Variants in PRDM16 observed in about 807,000 individuals in gnomAD.
The protein encoded by PRDM16 is PR/SET domain 16.
In PRDM16, 23 loss-of-function variants were observed where a neutral mutation model predicts 110.6. That is an observed-to-expected ratio of 0.21 (90% confidence interval 0.15 to 0.29). The LOEUF is 0.29. Among genes scored for constraint, PRDM16 ranks in the 10% least tolerant of loss-of-function variants. The probability of loss-of-function intolerance (pLI) is 1.00; values close to 1 mark genes in which losing one functional copy is unlikely to be tolerated. For missense variants in PRDM16, 1,615 were observed against 1,794.3 expected (o/e 0.90, Z 1.81); for synonymous variants, 799 against 781.8 (o/e 1.02, Z -0.37).
chr1:3,414,547 T>C lies in PRDM16; in HGVS notation c.2604-13T>C, dbSNP rs750825082. 37 of 1,608,532 alleles carry C rather than the reference T, an allele frequency of 2.3e-5. No individual in the cohort carries two copies. The highest frequency in any genetic ancestry group is 3.3e-4 in the Middle Eastern group (2 of 6,068). On this transcript the variant is annotated splice_polypyrimidine_tract_variant and intron_variant, in intron 9 of 16. Transcript: ENST00000270722. ...GCTCGGTGGGGTACGTAACCCTCTG[T>C]GCTGTTGTCCAGCAGGGTAGAAAAG...
At chr1:3,293,853 C>T (rs1470440211) in intron 3 of PRDM16, among the ~76,000 whole-genome samples, 4 of 152,202 alleles carry the variant, frequency 2.6e-5, no homozygotes, top group African/African-American at 7.2e-5. Context: ...GAGGCGATGG[C>T]GTGGCCCGGC....
intron 3 of PRDM16, among the ~76,000 whole-genome samples, chr1:3,306,127 A>G (rs1265120536): frequency 6.6e-6 from 1 of 152,182 alleles, no homozygotes; most frequent in African/African-American, 2.4e-5. Context: ...CATCACAAGC[A>G]AGGGGGAAGT....
At chr1:3,091,253 C>G (rs953072877) in intron 1 of PRDM16, among the ~76,000 whole-genome samples, 1 of 152,212 alleles carries the variant, frequency 6.6e-6, no homozygotes, top group Non-Finnish European at 1.5e-5. Context: ...CTCTGAAACC[C>G]AGGGTATGCG....
chr1:3,120,460 G>A (rs780438031), intron 1 of PRDM16, among the ~76,000 whole-genome samples: 3 of 152,188 alleles, frequency 2.0e-5, no homozygotes, highest in Admixed American at 6.5e-5. Flanking sequence ...CTCGGGGGTC[G>A]TCACACACAA....
intron 10 of PRDM16, among the ~76,000 whole-genome samples, chr1:3,416,169 G>A (rs982735170): frequency 1.3e-5 from 2 of 152,180 alleles, no homozygotes; most frequent in East Asian, 3.9e-4. Flanking sequence ...TATTTTTATC[G>A]TAACCAGTTC....
At chr1:3,178,969 GC>G (rs1274215992) in intron 1 of PRDM16, among the ~76,000 whole-genome samples, 1 of 152,184 alleles carries the variant, frequency 6.6e-6, no homozygotes, top group Non-Finnish European at 1.5e-5. Flanking sequence ...CAAACACCTT[GC>G]CCAGCCCTTC....
Position 3,081,802 on chromosome 1 carries a change from G to A in PRDM16, c.37+12506G>A, listed in dbSNP as rs1275544538. On this transcript the variant is annotated intron_variant, in intron 1 of 16. Transcript: ENST00000270722. This position sits in a 1 kb window ranked among gnomAD's most constrained non-coding sequence, Gnocchi z 4.6. ...TGGGGGACCTTCCATGGGCAGCAGGGCAGCAAGGGAGACCACCTCCTTGCT... is the reference window on the plus strand; with the variant it reads ...TGGGGGACCTTCCATGGGCAGCAGGACAGCAAGGGAGACCACCTCCTTGCT... Among the ~76,000 whole-genome samples the A allele has an allele frequency of 6.6e-6, 1 of 151,894 alleles. No homozygotes were observed. The highest frequency in any genetic ancestry group is 2.4e-5 in the African/African-American group (1 of 41,358).
rs1232003196 is a variant in PRDM16 at position 3,081,052 on chromosome 1, T to C, written c.37+11756T>C. Among the ~76,000 whole-genome samples, 3 of 152,048 alleles carry C rather than the reference T, an allele frequency of 2.0e-5. No individual in the cohort carries two copies. The highest frequency in any genetic ancestry group is 2.9e-5 in the Non-Finnish European group (2 of 68,000). On this transcript the variant is annotated intron_variant, in intron 1 of 16. Transcript: ENST00000270722. The surrounding 1 kb of genome is among the most constrained non-coding windows in gnomAD (Gnocchi z 4.6). ...GGAGCTCAGAGAATCGGGGGGCAGATAGCGTAGCCACGAGGGGCTCTCTGG... is the reference window on the plus strand; with the variant it reads ...GGAGCTCAGAGAATCGGGGGGCAGACAGCGTAGCCACGAGGGGCTCTCTGG...
rs892301842 is a variant in PRDM16, at chr1:3,370,989, C to T, written c.439-14163C>T. 4.6e-5 allele frequency among the ~76,000 whole-genome samples: 7 copies of T among 151,182 alleles called. No homozygotes were observed. The highest frequency in any genetic ancestry group is 1.5e-4 in the African/African-American group (6 of 41,044). Reference sequence around the variant, plus strand: ...TTCATCCATTTGTCCATCCACCCACCGATCCACCATCTATTCATCCATCCA... The same window carrying T: ...TTCATCCATTTGTCCATCCACCCACTGATCCACCATCTATTCATCCATCCA... On this transcript the variant is annotated intron_variant, in intron 3 of 16. Transcript: ENST00000270722. The surrounding 1 kb of genome is among the most constrained non-coding windows in gnomAD (Gnocchi z 4.8).
chr1:3,260,145 T>C (rs868367038), intron 3 of PRDM16, among the ~76,000 whole-genome samples: 4 of 152,218 alleles, frequency 2.6e-5, no homozygotes, highest in Admixed American at 2.0e-4. Flanking sequence ...GCTTTAGTTG[T>C]GTGAACCCAA....
chr1:3,336,394 A>T (rs922414287), intron 3 of PRDM16, among the ~76,000 whole-genome samples: 1 of 152,022 alleles, frequency 6.6e-6, no homozygotes, highest in Non-Finnish European at 1.5e-5. Flanking sequence ...AAGCAAATGC[A>T]TGCACATGTG....
chr1:3,077,961 C>G (rs1390085683), intron 1 of PRDM16, among the ~76,000 whole-genome samples: 2 of 152,238 alleles, frequency 1.3e-5, no homozygotes, highest in Non-Finnish European at 2.9e-5. Flanking sequence ...GTGCCAGAAT[C>G]TGTTCTGGCC....
chr1:3,089,033 T>C (rs1642213722), intron 1 of PRDM16, among the ~76,000 whole-genome samples: 1 of 152,172 alleles, frequency 6.6e-6, no homozygotes, highest in African/African-American at 2.4e-5. Flanking sequence ...TCCACCCACC[T>C]TGGCCTCCCA....
intron 1 of PRDM16, among the ~76,000 whole-genome samples, chr1:3,181,795 CA>C (rs1644206428): frequency 2.3e-5 from 3 of 132,368 alleles, no homozygotes; most frequent in Non-Finnish European, 4.9e-5. Context: ...CTTACACATG[CA>C]GTCTTACACA....
chr1:3,433,057 C>G (rs1638810783), intron 16 of PRDM16, among the ~76,000 whole-genome samples: 1 of 152,248 alleles, frequency 6.6e-6, no homozygotes, highest in Admixed American at 6.5e-5. Context: ...ACCCCCAGTT[C>G]CCAGGGCCGT....
At chr1:3,234,837 C>T (rs1049632969) in intron 2 of PRDM16, among the ~76,000 whole-genome samples, 4 of 152,258 alleles carry the variant, frequency 2.6e-5, no homozygotes, top group African/African-American at 9.6e-5. Flanking sequence ...CGTGATGGTG[C>T]CTGACACCCA....
At chr1:3,405,184 G>A (rs1037302712) in intron 7 of PRDM16, among the ~76,000 whole-genome samples, 2 of 152,042 alleles carry the variant, frequency 1.3e-5, no homozygotes, top group South Asian at 2.1e-4. Flanking sequence ...GGGCTGAGCC[G>A]AGCCTCCACC....
intron 5 of PRDM16, 109 bp from the exon 6 acceptor site, chr1:3,402,682 G>A (rs968527501): frequency 7.5e-6 from 7 of 927,752 alleles, no homozygotes; most frequent in Non-Finnish European, 1.2e-5. Context: ...GCCAGCCTGG[G>A]TGCAGGCCCT....
chr1:3,144,685 C>T (rs528436996), intron 1 of PRDM16, among the ~76,000 whole-genome samples: 1 of 152,226 alleles, frequency 6.6e-6, no homozygotes, highest in Non-Finnish European at 1.5e-5. Context: ...TGCACCATTG[C>T]TTAGGCTACA....
Sources: allele counts gnomAD v4.1 joint callset (sites outside exome capture counted in the v4.1 genomes callset), GRCh38; gene constraint gnomAD v4.1.1; non-coding constraint Gnocchi (gnomAD v3.1); transcripts MANE v1.5; gene names NCBI Gene and HGNC (gene_info 2026-07-23, HGNC 2026-07-21).